DNAH12: variants seen among roughly 807,000 people sequenced by gnomAD.
DNAH12 encodes axonemal beta dynein heavy chain 12.
Under a neutral mutation model 371.5 loss-of-function variants are expected in DNAH12, and 285 were observed. The observed-to-expected ratio is 0.77, with a 90% CI of 0.70 to 0.85. The LOEUF (loss-of-function observed/expected upper bound fraction) is 0.85. Among genes scored for constraint, DNAH12 ranks in the 40% least tolerant of loss-of-function variants. The pLI, the probability that DNAH12 is intolerant of heterozygous loss-of-function variation, is 0.00. For missense variants in DNAH12, 3,611 were observed against 3,689.4 expected, an observed-to-expected ratio of 0.98 and a Z score of 0.55; for synonymous variants, 1,200 against 1,213.0, an observed-to-expected ratio of 0.99 and a Z score of 0.22.
upstream of DNAH12, among the ~76,000 whole-genome samples, chr3:57,545,791 A>C (rs952160171): frequency 7.9e-5 from 12 of 152,088 alleles, no homozygotes; most frequent in African/African-American, 2.9e-4. Context: ...AGATAGAAAA[A>C]TCTCCAGCCC....
chr3:57,504,130 T>C lies in DNAH12; in HGVS notation c.972A>G (p.Pro324=). ...CAAATGTCAATTCTATCTTAAATAT[T>C]GGCAGCCTTTGTTGATCTTTTGGGT... ...LFDPKDQQRL[P]IFKIELTFDD... The change falls in exon 9 of 74, where the codon CCA becomes CCG. Residue 324 remains proline, a synonymous_variant. Transcript: ENST00000495027. 1 of 1,613,968 alleles carries C rather than the reference T, an allele frequency of 6.2e-7. No individual in the cohort carries two copies. Among genetic ancestry groups the C allele is most frequent in the Non-Finnish European group, 8.5e-7 (1 of 1,179,918 alleles).
At chr3:57,343,064 T>G (rs2062445581) in intron 60 of DNAH12, among the ~76,000 whole-genome samples, 1 of 149,436 alleles carries the variant, frequency 6.7e-6, no homozygotes, top group Non-Finnish European at 1.5e-5. Flanking sequence ...AGAGTGAGAC[T>G]CTGTCTCAAA....
intron 62 of DNAH12, among the ~76,000 whole-genome samples, chr3:57,331,973 GAA>G (rs140055461): frequency 0.01 from 1,579 of 152,204 alleles, 17 homozygotes; most frequent in African/African-American, 0.036. Flanking sequence ...AGGGTAGCAA[GAA>G]TTCCCCCTAC....
intron 40 of DNAH12, among the ~76,000 whole-genome samples, chr3:57,407,055 C>A (rs924983505): frequency 6.6e-6 from 1 of 151,976 alleles, no homozygotes; most frequent in African/African-American, 2.4e-5. Flanking sequence ...CACACCACCA[C>A]GCCCAGCTAA....
chr3:57,337,659 CA>C (rs2062259606), intron 60 of DNAH12, among the ~76,000 whole-genome samples: 1 of 151,592 alleles, frequency 6.6e-6, no homozygotes, highest in South Asian at 2.1e-4. Context: ...AACTCCATCT[CA>C]AAAAAATATA....
chr3:57,396,304 A>AAAAC (rs2063740004), intron 43 of DNAH12, among the ~76,000 whole-genome samples: 4 of 141,952 alleles, frequency 2.8e-5, no homozygotes, highest in African/African-American at 5.2e-5. Flanking sequence ...AAAAAAAAAA[A>AAAAC]AAAAAAGAGA....
At chr3:57,507,264 G>C (rs2067796994) in intron 8 of DNAH12, among the ~76,000 whole-genome samples, 1 of 151,946 alleles carries the variant, frequency 6.6e-6, no homozygotes, top group Non-Finnish European at 1.5e-5. Context: ...CTTATACAAT[G>C]ATCAATAACA....
rs1470770049 is a variant in DNAH12 at position 57,366,836 on chromosome 3, G to A, written c.9060C>T (p.Asn3020=). The A allele has an allele frequency of 6.6e-6, 1 of 152,122 alleles. No individual in the cohort carries two copies. The allele number at this position is 152,122 out of a possible 1,614,324, so 9.4% of individuals were successfully genotyped here. The change falls in exon 57 of 74, where the codon AAC becomes AAT. Residue 3020 remains asparagine (N), a synonymous_variant. Transcript: ENST00000495027. ...FKFYITTKLR[N]PHYMPELATK... The stretch of plus-strand genomic sequence containing the variant: ...TAGCCAGTTCTGGCATATAGTGCGG[G>A]TTTCTCAGTTTTGTGGTGATATAAA...
intron 43 of DNAH12, chr3:57,402,365 T>C (rs1234705103): frequency 7.7e-7 from 1 of 1,302,404 alleles, no homozygotes; most frequent in Non-Finnish European, 1.0e-6. Flanking sequence ...CCCCTAGGCA[T>C]ATAAGGACGA....
intron 35 of DNAH12, among the ~76,000 whole-genome samples, chr3:57,423,380 A>C (rs1241668583): frequency 1.3e-5 from 2 of 152,244 alleles, no homozygotes; most frequent in Non-Finnish European, 2.9e-5. Context: ...AGGCGGTTCC[A>C]AACCTAGGGA....
At chr3:57,429,901 G>GA in intron 32 of DNAH12, 127 bp from the exon 33 acceptor site, 1 of 767,848 alleles carries the variant, frequency 1.3e-6, no homozygotes. Flanking sequence ...ATGGAAGCCA[G>GA]AAAATCTTAA....
chr3:57,342,009 T>C (rs2062413445), intron 60 of DNAH12, among the ~76,000 whole-genome samples: 1 of 152,102 alleles, frequency 6.6e-6, no homozygotes, highest in Non-Finnish European at 1.5e-5. Context: ...AGAACATTGA[T>C]TGGGGAAGGA....
At chr3:57,334,692 A>T (rs1057020866) in intron 61 of DNAH12, 83 bp from the exon 62 acceptor site, 13 of 1,506,172 alleles carry the variant, frequency 8.6e-6, no homozygotes, top group African/African-American at 1.4e-5. Context: ...GAAACCAGAC[A>T]GCTATTTAAA....
chr3:57,446,196 C>T lies in DNAH12; in HGVS notation c.4014G>A (p.Leu1338=). ...AAAGGATCTGTTGAGCTACCACTGA[C>T]AACACTTCCAACTCAATTCGATTGA... ...DEFNRIELEV[L]SVVAQQILCI... The change falls in exon 27 of 74, where the codon TTG becomes TTA. Residue 1338 remains leucine (L), a synonymous_variant. Transcript: ENST00000495027. 6.4e-7 allele frequency: 1 copy of T among 1,551,744 alleles called. No individual in the cohort carries two copies. Among genetic ancestry groups the T allele is most frequent in the Non-Finnish European group, 8.7e-7 (1 of 1,147,018 alleles).
chr3:57,517,454 T>C (rs2068239782), intron 4 of DNAH12, among the ~76,000 whole-genome samples: 1 of 151,996 alleles, frequency 6.6e-6, no homozygotes, highest in African/African-American at 2.4e-5. Flanking sequence ...CTATAGCAGT[T>C]CTAGAAAGCA....
Position 57,462,880 on chromosome 3 carries a change from T to A in DNAH12, c.2350-5A>T. The stretch of plus-strand genomic sequence containing the variant: ...GGAGACAGTAGGAATATATTCCTAA[T>A]GGCAAAAATATAAACAATTATGAGT... On this transcript the variant is annotated splice_polypyrimidine_tract_variant and splice_region_variant and intron_variant, in intron 17 of 73. Transcript: ENST00000495027. 16 of 1,547,026 alleles carry A rather than the reference T, an allele frequency of 1.0e-5. No individual in the cohort carries two copies. The highest frequency in any genetic ancestry group is 1.4e-5 in the Non-Finnish European group (16 of 1,144,386).
chr3:57,296,883 A>G lies in DNAH12; in HGVS notation c.11496T>C (p.Tyr3832=). 5 of 1,551,646 alleles carry G rather than the reference A, an allele frequency of 3.2e-6. No individual in the cohort carries two copies. The highest frequency in any genetic ancestry group is 4.4e-6 in the Non-Finnish European group (5 of 1,146,950). The part of the protein sequence containing the change: ...TGAMQNYARK[Y]TTPIDLLGYE... ...ATCCTAGCAAATCAATAGGGGTGGTATATTTTCTGGCATAATTCTGCATAG... is the reference window on the plus strand; with the variant it reads ...ATCCTAGCAAATCAATAGGGGTGGTGTATTTTCTGGCATAATTCTGCATAG... The change falls in exon 71 of 74, where the codon TAT becomes TAC. Residue 3832 remains tyrosine (Y), a synonymous_variant. Coordinates refer to ENST00000495027, the MANE Select transcript of DNAH12 (RefSeq NM_001366028.2).
intron 60 of DNAH12, among the ~76,000 whole-genome samples, chr3:57,341,961 A>G (rs1459994214): frequency 6.6e-6 from 1 of 152,194 alleles, no homozygotes; most frequent in Admixed American, 6.5e-5. Flanking sequence ...AAATTAATCC[A>G]TGTATCTACA....
chr3:57,299,623 C>G (rs1019118849), intron 70 of DNAH12, among the ~76,000 whole-genome samples: 2 of 152,016 alleles, frequency 1.3e-5, no homozygotes, highest in Non-Finnish European at 2.9e-5. Context: ...GGAGATGGAG[C>G]CTTTGGGAGG....
Sources: allele counts gnomAD v4.1 joint callset (sites outside exome capture counted in the v4.1 genomes callset), GRCh38; gene constraint gnomAD v4.1.1; transcripts MANE v1.5; gene names NCBI Gene and HGNC (gene_info 2026-07-23, HGNC 2026-07-21).